HECTD4: variants seen among roughly 807,000 people sequenced by gnomAD.
HECTD4 encodes the protein probable E3 ubiquitin-protein ligase HECTD4.
Under a neutral mutation model 471.5 loss-of-function variants are expected in HECTD4, and 114 were observed. The observed-to-expected ratio is 0.24, with a 90% CI of 0.21 to 0.28. The LOEUF is 0.28. Ranked by LOEUF, HECTD4 falls within the 10% of genes least tolerant of loss-of-function variation. HECTD4 has a pLI of 1.00. For synonymous variants in HECTD4, 2,012 were observed against 2,256.0 expected, an observed-to-expected ratio of 0.89 and a Z score of 3.07; for missense variants, 3,866 against 5,651.5, an observed-to-expected ratio of 0.68 and a Z score of 10.13.
chr12:112,232,872 C>T, intron 38 of HECTD4, 132 bp downstream of exon 38: 1 of 734,028 alleles, frequency 1.4e-6, no homozygotes, highest in Non-Finnish European at 2.3e-6. Flanking sequence ...AAGGCACTGA[C>T]TTCAATTTCT....
At chr12:112,308,371 G>C (rs2035306401) in intron 6 of HECTD4, among the ~76,000 whole-genome samples, 1 of 150,304 alleles carries the variant, frequency 6.7e-6, no homozygotes. Context: ...CCACAGAGAG[G>C]CTGTTTAGAA....
intron 1 of HECTD4, among the ~76,000 whole-genome samples, chr12:112,355,272 G>T (rs1401756571): frequency 2.2e-5 from 3 of 139,020 alleles, no homozygotes; most frequent in Non-Finnish European, 3.1e-5. Context: ...ACCGCGCCGG[G>T]CGCCAAATGG....
At position 112,219,630 on chromosome 12, in the gene HECTD4, C is replaced by T. The variant is rs939707205; in HGVS notation, c.6971-141G>A. ...TTTTTTTTTTTTTGAGACAGAGTTT[C>T]GTTCTATTGCCCAGGCTGGAGTGCA... On this transcript the variant is annotated intron_variant, in intron 44 of 75. Coordinates refer to ENST00000682272, the MANE Select transcript of HECTD4 (RefSeq NM_001388303.1). 107 of 545,134 alleles carry T rather than the reference C, an allele frequency of 2.0e-4. 1 individual carries two copies. Among genetic ancestry groups the T allele is most frequent in the Middle Eastern group, 1.1e-3 (3 of 2,780 alleles). 33.8% of individuals were successfully genotyped at this position (545,134 alleles called of 1,614,324 possible). A position where few individuals can be genotyped will look rare whatever the true frequency, so the allele number is the denominator to read the frequency against.
intron 1 of HECTD4, among the ~76,000 whole-genome samples, chr12:112,372,244 C>T (rs2036691374): frequency 6.6e-6 from 1 of 151,534 alleles, no homozygotes; most frequent in Non-Finnish European, 1.5e-5. Context: ...TCCCAAGTAG[C>T]CAACCACGCC....
chr12:112,360,984 CAAAAA>C (rs1195549482), intron 1 of HECTD4, among the ~76,000 whole-genome samples: 1 of 58,642 alleles, frequency 1.7e-5, no homozygotes, highest in African/African-American at 6.5e-5. Context: ...AACTCCGTCT[CAAAAA>C]AAAAAAAAAA....
intron 25 of HECTD4, 80 bp downstream of exon 25, chr12:112,250,064 C>T (rs2033845804): frequency 1.0e-6 from 1 of 970,046 alleles, no homozygotes; most frequent in Admixed American, 2.1e-5. Flanking sequence ...TTTACTAGAC[C>T]ACAGAAGAAA....
At chr12:112,302,459 T>C (rs1248329519) in intron 7 of HECTD4, 4 of 751,452 alleles carry the variant, frequency 5.3e-6, no homozygotes, top group South Asian at 1.4e-5. Context: ...CAGCTGCTTA[T>C]AGAGGATGGC....
chr12:112,339,118 A>G (rs1566117268), intron 1 of HECTD4, among the ~76,000 whole-genome samples: 2 of 152,088 alleles, frequency 1.3e-5, no homozygotes, highest in Non-Finnish European at 2.9e-5. Context: ...TGAACACCAC[A>G]TGACACGAAC....
intron 29 of HECTD4, among the ~76,000 whole-genome samples, chr12:112,245,399 G>A (rs2033737846): frequency 6.6e-6 from 1 of 152,194 alleles, no homozygotes; most frequent in Non-Finnish European, 1.5e-5. Flanking sequence ...GAGGTCAAGA[G>A]CCTCTGGGAC....
chr12:112,183,724 G>A (rs1159870982), intron 61 of HECTD4, among the ~76,000 whole-genome samples: 1 of 152,194 alleles, frequency 6.6e-6, no homozygotes, highest in Non-Finnish European at 1.5e-5. Flanking sequence ...ATTTCTAAAC[G>A]GCGAGGCCTA....
rs771623421 is a variant in HECTD4 at position 112,167,396 on chromosome 12, A to T, written c.12455T>A (p.Val4152Glu). Residue 4152 changes from valine (V) to glutamate (E), a missense_variant, in exon 72 of 76, where the codon GTG (valine) becomes GAG (glutamate). By Grantham distance (121) the Val-to-Glu change is moderately radical. Transcript: ENST00000682272. ...DLLPSFWKTL[V>E]GEPLDPEQDL... ...TTGCTCAGGGTCCAAGGGCTCGCCC[A>T]CCAGCGTCTTCCAGAAGGAGGGCAG... 7 of 1,613,838 alleles carry T rather than the reference A, an allele frequency of 4.3e-6. No individual in the cohort carries two copies. Among genetic ancestry groups the T allele is most frequent in the Non-Finnish European group, 5.9e-6 (7 of 1,179,866 alleles).
intron 17 of HECTD4, among the ~76,000 whole-genome samples, chr12:112,262,515 C>CAAAAAAAAAAAAAAAAAAAA (rs758273849): frequency 1.0e-4 from 2 of 19,762 alleles, no homozygotes; most frequent in African/African-American, 2.8e-4. Context: ...GACTCCATCT[C>CAAAAAAAAAAAAAAAAAAAA]AAAAAAAAAA....
rs769951189 is a variant in HECTD4 at position 112,274,838 on chromosome 12, A to T, written c.1801+9T>A. On this transcript the variant is annotated intron_variant, in intron 10 of 75. Coordinates refer to ENST00000682272, the MANE Select transcript of HECTD4 (RefSeq NM_001388303.1). ...ATTTTCCAAAGATATGTGCAAGTTT[A>T]TTTCTTACCCAATCCTGGTACGAGA... 2 of 1,516,746 alleles carry T rather than the reference A, an allele frequency of 1.3e-6. No homozygotes were observed. Among genetic ancestry groups the T allele is most frequent in the Non-Finnish European group, 1.8e-6 (2 of 1,116,548 alleles). The allele number at this position is 1,516,746 out of a possible 1,614,324, so 94.0% of individuals were successfully genotyped here.
chr12:112,247,602 T>C (rs1242157054), intron 27 of HECTD4, 52 bp from the exon 28 acceptor site: 1 of 804,590 alleles, frequency 1.2e-6, no homozygotes, highest in African/African-American at 1.8e-5. Flanking sequence ...AGTTTTACTA[T>C]ACATATATTA....
At chr12:112,195,462 G>A (rs1264218371) in intron 55 of HECTD4, among the ~76,000 whole-genome samples, 3 of 152,168 alleles carry the variant, frequency 2.0e-5, no homozygotes, top group Non-Finnish European at 4.4e-5. Context: ...GCCACAATGG[G>A]AATAAACCTT....
Position 112,192,656 on chromosome 12 carries a change from C to A in HECTD4, c.9196G>T (p.Asp3066Tyr). ...NLIEAACYPR[D>Y]ASPANTGLAP... ...AGCCCAGTGTTGGCTGGGGACGCGTCCCGCGGGTAACAGGCGGCCTCGATG... is the reference window on the plus strand; with the variant it reads ...AGCCCAGTGTTGGCTGGGGACGCGTACCGCGGGTAACAGGCGGCCTCGATG... Residue 3066 changes from aspartate (D) to tyrosine (Y), a missense_variant, in exon 59 of 76, where the codon GAC (aspartate) becomes TAC (tyrosine). Coordinates refer to ENST00000682272, the MANE Select transcript of HECTD4 (RefSeq NM_001388303.1). 6.2e-7 allele frequency: 1 copy of A among 1,607,342 alleles called. No homozygotes were observed.
At chr12:112,204,961 C>T (rs1328248480) in intron 52 of HECTD4, among the ~76,000 whole-genome samples, 2 of 151,688 alleles carry the variant, frequency 1.3e-5, no homozygotes, top group South Asian at 2.1e-4. Context: ...GGTGAAACCC[C>T]GTCTCTACTA....
At chr12:112,187,141 G>A (rs530569438) in intron 60 of HECTD4, among the ~76,000 whole-genome samples, 40 of 152,034 alleles carry the variant, frequency 2.6e-4, no homozygotes, top group Non-Finnish European at 4.7e-4. Flanking sequence ...CACCACACCC[G>A]GCTAATTTTG....
chr12:112,376,903 C>T (rs1223193236), intron 1 of HECTD4, among the ~76,000 whole-genome samples: 4 of 151,980 alleles, frequency 2.6e-5, no homozygotes, highest in Admixed American at 6.6e-5. Context: ...ACCTGAGGTC[C>T]GGAGTTCAAG....
Sources: allele counts gnomAD v4.1 joint callset (sites outside exome capture counted in the v4.1 genomes callset), GRCh38; gene constraint gnomAD v4.1.1; transcripts MANE v1.5; gene names NCBI Gene and HGNC (gene_info 2026-07-23, HGNC 2026-07-21).